Variants in DOCK11 observed in about 807,000 individuals in gnomAD.
DOCK11 encodes dedicator of cytokinesis protein 11.
A neutral mutation model predicts 169.1 loss-of-function variants in DOCK11; 70 were observed. The observed-to-expected ratio is 0.41, with a 90% CI of 0.34 to 0.51. The LOEUF (loss-of-function observed/expected upper bound fraction) is 0.51, where lower values mean the gene tolerates loss of function less well. DOCK11 is among the 20% of genes least tolerant of loss of function. The pLI is 0.10. For missense variants in DOCK11, 1,166 were observed against 1,538.8 expected (o/e 0.76, Z 4.05); for synonymous variants, 529 against 541.3 (o/e 0.98, Z 0.32).
chrX:118,499,797 A>G (rs1235622483), intron 1 of DOCK11, among the ~76,000 whole-genome samples: 2 of 111,595 alleles, frequency 1.8e-5, no homozygotes, highest in Non-Finnish European at 3.8e-5. Flanking sequence ...AAAGTTAACC[A>G]GAGTGTTAGC....
At chrX:118,514,909 T>C (rs2057672922) in intron 1 of DOCK11, among the ~76,000 whole-genome samples, 1 of 112,121 alleles carries the variant, frequency 8.9e-6, no homozygotes, top group African/African-American at 3.2e-5. Flanking sequence ...TGTAACAAAT[T>C]ACCACAAATT....
In DOCK11 at chrX:118,534,395, TGTTTTTAAAGTAAATTCTTTGTAA is replaced by T. The variant is rs375457436; in HGVS notation, c.103-8320_103-8297del. Among the ~76,000 whole-genome samples the T allele has an allele frequency of 2.5e-3, 277 of 112,433 alleles. 1 individual carries two copies. Among genetic ancestry groups the T allele is most frequent in the African/African-American group, 8.0e-3 (248 of 30,822 alleles). On this transcript the variant is annotated intron_variant, in intron 1 of 52. Transcript: ENST00000276202. Reference sequence around the variant, plus strand: ...GTGCATAGTCTTGTTTGTTTCTTATTGTTTTTAAAGTAAATTCTTTGTAAGTTTTTAAAAGTAGCTCTTGAGTTT... The same window carrying T: ...GTGCATAGTCTTGTTTGTTTCTTATTGTTTTTAAAAGTAGCTCTTGAGTTT...
intron 35 of DOCK11, among the ~76,000 whole-genome samples, chrX:118,630,702 T>C (rs1260753558): frequency 8.9e-6 from 1 of 112,601 alleles, no homozygotes; most frequent in East Asian, 2.8e-4. Context: ...TGAAATAATT[T>C]TAACATAATT....
intron 33 of DOCK11, 42 bp from the exon 34 acceptor site, chrX:118,628,121 C>A (rs917501097): frequency 6.5e-5 from 54 of 834,507 alleles, no homozygotes; most frequent in Non-Finnish European, 8.8e-5. Context: ...TCTGACAGTT[C>A]CCCCTCTTGC....
chrX:118,594,818 G>A (rs1304135897), intron 20 of DOCK11, among the ~76,000 whole-genome samples: 1 of 111,229 alleles, frequency 9.0e-6, no homozygotes, highest in African/African-American at 3.3e-5. Flanking sequence ...GTTTGAGTGA[G>A]GCCTTAAAGG....
chrX:118,624,858 A>G (rs889346009), intron 32 of DOCK11, among the ~76,000 whole-genome samples: 2 of 104,981 alleles, frequency 1.9e-5, no homozygotes, highest in African/African-American at 7.0e-5. Flanking sequence ...TCCTGTGCTC[A>G]AGTGATCCTC....
intron 44 of DOCK11, among the ~76,000 whole-genome samples, chrX:118,661,209 CAA>C (rs752353678): frequency 7.5e-4 from 51 of 68,441 alleles, no homozygotes; most frequent in Admixed American, 5.1e-4. Context: ...ACTCTGTCTC[CAA>C]AAAAAAAAAA....
chrX:118,626,445 A>G (rs2015107407), intron 32 of DOCK11, among the ~76,000 whole-genome samples: 1 of 111,521 alleles, frequency 9.0e-6, no homozygotes, highest in East Asian at 2.8e-4. Context: ...ATTAAAATAC[A>G]ATGTCCAAAT....
At chrX:118,676,987 G>A (rs925698921) in intron 48 of DOCK11, among the ~76,000 whole-genome samples, 55 of 111,420 alleles carry the variant, frequency 4.9e-4, no homozygotes, top group African/African-American at 1.7e-3. Context: ...GTAATAAAAT[G>A]GAGATAATAA....
At chrX:118,512,580 G>A (rs944200671) in intron 1 of DOCK11, among the ~76,000 whole-genome samples, 1 of 111,885 alleles carries the variant, frequency 8.9e-6, no homozygotes, top group Non-Finnish European at 1.9e-5. Flanking sequence ...GAAAATACTT[G>A]TATGCCATTC....
chrX:118,559,354 G>T (rs2012828555), intron 6 of DOCK11, among the ~76,000 whole-genome samples: 1 of 112,073 alleles, frequency 8.9e-6, no homozygotes, highest in African/African-American at 3.2e-5. Context: ...TCCCACTGAA[G>T]CAGCAGAATT....
In DOCK11 at chrX:118,672,455, C is replaced by T. The variant is rs564182457; in HGVS notation, c.5199+1310C>T. Among the ~76,000 whole-genome samples the T allele has an allele frequency of 2.5e-4, 28 of 112,287 alleles. 1 individual carries two copies. The South Asian group carries it at 7.9e-3, about 32-fold the overall frequency. On this transcript the variant is annotated intron_variant, in intron 46 of 52. Coordinates refer to ENST00000276202, the MANE Select transcript of DOCK11 (RefSeq NM_144658.4). ...TTTTATTTATTTAGTTTTTTTGAGA[C>T]GGAGTCTTGCTCTTTGGCCCAGGCC...
intron 44 of DOCK11, among the ~76,000 whole-genome samples, chrX:118,659,902 A>G (rs777626878): frequency 8.9e-6 from 1 of 112,269 alleles, no homozygotes; most frequent in Admixed American, 9.4e-5. Context: ...GAAAAGCCCT[A>G]CATTTGGAAA....
chrX:118,610,814 G>A (rs1480039352), intron 28 of DOCK11, among the ~76,000 whole-genome samples: 6 of 111,433 alleles, frequency 5.4e-5, no homozygotes, highest in African/African-American at 1.3e-4. Context: ...CGAGGTGGGC[G>A]GATCACATGA....
chrX:118,669,395 C>T (rs1473460233), intron 45 of DOCK11, among the ~76,000 whole-genome samples: 1 of 111,809 alleles, frequency 8.9e-6, no homozygotes, highest in African/African-American at 3.3e-5. Flanking sequence ...TTATAAACAA[C>T]AGAAATGTAT....
chrX:118,623,612 G>A (rs1031695144), intron 31 of DOCK11, among the ~76,000 whole-genome samples: 2 of 112,752 alleles, frequency 1.8e-5, no homozygotes, highest in Non-Finnish European at 3.8e-5. Flanking sequence ...AAGAAAGTCT[G>A]TTAAGAAGGG....
At chrX:118,642,538 T>G (rs966773545) in intron 39 of DOCK11, among the ~76,000 whole-genome samples, 1 of 112,022 alleles carries the variant, frequency 8.9e-6, no homozygotes, top group Non-Finnish European at 1.9e-5. Context: ...ATGTAGATAC[T>G]GTTATTATTC....
At chrX:118,530,732 A>C (rs1490393175) in intron 1 of DOCK11, among the ~76,000 whole-genome samples, 1 of 111,684 alleles carries the variant, frequency 9.0e-6, no homozygotes, top group Non-Finnish European at 1.9e-5. Context: ...CACTCTCTGT[A>C]TCCCCTACCC....
chrX:118,649,163 C>T (rs766127325), intron 41 of DOCK11, 36 bp downstream of exon 41: 2 of 1,098,090 alleles, frequency 1.8e-6, no homozygotes, highest in South Asian at 4.6e-5. Context: ...CATCTTTCTT[C>T]TCTTCAATCT....
Sources: allele counts gnomAD v4.1 joint callset (sites outside exome capture counted in the v4.1 genomes callset), GRCh38; gene constraint gnomAD v4.1.1; transcripts MANE v1.5; gene names NCBI Gene and HGNC (gene_info 2026-07-23, HGNC 2026-07-21).